Variants in MUC5B observed in about 807,000 individuals in gnomAD.
MUC5B encodes mucin 5B, oligomeric mucus/gel-forming, also known as mucin-5B.
Under a neutral mutation model 376.9 loss-of-function variants are expected in MUC5B, and 116 were observed. The observed-to-expected ratio is 0.31, with a 90% CI of 0.26 to 0.36. The LOEUF is 0.36. Among genes scored for constraint, MUC5B ranks in the 10% least tolerant of loss-of-function variants. MUC5B has a pLI of 1.00. For synonymous variants in MUC5B, 3,517 were observed against 3,390.9 expected, an observed-to-expected ratio of 1.04 and a Z score of -1.29; for missense variants, 7,165 against 7,769.9, an observed-to-expected ratio of 0.92 and a Z score of 2.93.
Position 1,255,398 on chromosome 11 carries a change from C to A in MUC5B, c.15906C>A (p.Cys5302Ter). 6.2e-7 allele frequency: 1 copy of A among 1,600,620 alleles called. No individual in the cohort carries two copies. The highest frequency in any genetic ancestry group is 8.5e-7 in the Non-Finnish European group (1 of 1,173,208). The stretch of plus-strand genomic sequence containing the variant: ...TGCCCCACAGGGTCTTTGCTGAGTG[C>A]CACAACCTTGTGCCCCCGGGCCCAT... Reference protein sequence around the residue: ...DLMLSQVFAECHNLVPPGPFF... With the variant: ...DLMLSQVFAE Residue 5302 changes from cysteine to a stop codon, truncating the protein, a stop_gained, in exon 37 of 49, where the codon TGC becomes TGA. Coordinates refer to ENST00000529681, the MANE Select transcript of MUC5B (RefSeq NM_002458.3). LOFTEE classifies it high-confidence loss of function.
chr11:1,233,114 A>G lies in MUC5B; in HGVS notation c.2167A>G (p.Ser723Gly), dbSNP rs1238057417. The change falls in exon 18 of 49, where the codon AGC becomes GGC. Residue 723 changes from serine to glycine, a missense_variant. Physicochemically the swap from Ser to Gly is moderately conservative, Grantham distance 56. Transcript: ENST00000529681. The part of the protein sequence containing the change: ...RGLSEADVTC[S>G]VSFVPVDGCT... ...CCTGAGTGAGGCCGACGTCACCTGC[A>G]GCGTTTCCTTCGTGCCTGTGGACGG... is the stretch of plus-strand genomic sequence containing the variant. The G allele has an allele frequency of 1.2e-6, 2 of 1,608,026 alleles. No homozygotes were observed. Among genetic ancestry groups the G allele is most frequent in the East Asian group, 2.2e-5 (1 of 44,868 alleles).
chr11:1,253,026 C>T lies in MUC5B; in HGVS notation c.15217+46C>T. 1 of 1,605,388 alleles carries T rather than the reference C, an allele frequency of 6.2e-7. No homozygotes were observed. The highest frequency in any genetic ancestry group is 8.5e-7 in the Non-Finnish European group (1 of 1,176,168). The stretch of plus-strand genomic sequence containing the variant: ...GGGATTACCCCGGGGGCAGGTGGAG[C>T]AGAGTGCACCGTCGGCTAGGCTGGC... On this transcript the variant is annotated intron_variant, in intron 33 of 48. Coordinates refer to ENST00000529681, the MANE Select transcript of MUC5B (RefSeq NM_002458.3). This position sits in a 1 kb window ranked among gnomAD's most constrained non-coding sequence, Gnocchi z 4.3.
intron 48 of MUC5B, 46 bp from the exon 49 acceptor site, chr11:1,261,343 C>T (rs771702422): frequency 2.6e-5 from 39 of 1,502,674 alleles, no homozygotes; most frequent in East Asian, 2.5e-4. Context: ...GGCAGAGAAA[C>T]GGCGGGGCCA....
Position 1,244,457 on chromosome 11 carries a change from G to A in MUC5B, c.7577G>A (p.Arg2526Lys). ...ACTGCAACCGCCCTTCCAGCACTGAGAAGCACAGCCACCACACCCACAGCT... is the reference window on the plus strand; with the variant it reads ...ACTGCAACCGCCCTTCCAGCACTGAAAAGCACAGCCACCACACCCACAGCT... Reference protein sequence around the residue: ...PGTATALPALRSTATTPTATS... With the variant: ...PGTATALPALKSTATTPTATS... The change falls in exon 31 of 49, where the codon AGA (arginine) becomes AAA (lysine). Residue 2526 changes from arginine to lysine, a missense_variant. By Grantham distance (26) the Arg-to-Lys change is conservative (BLOSUM62 2). This residue lies in a region of MUC5B where 194 missense variants were observed against 268.5 expected (regional missense o/e 0.72). Coordinates refer to ENST00000529681, the MANE Select transcript of MUC5B (RefSeq NM_002458.3). 1 of 1,599,332 alleles carries A rather than the reference G, an allele frequency of 6.3e-7. No homozygotes were observed. Among genetic ancestry groups the A allele is most frequent in the Non-Finnish European group, 8.5e-7 (1 of 1,170,430 alleles).
rs374407836 is a variant in MUC5B, at chr11:1,255,368, C to T, written c.15891-15C>T. 49 of 1,578,906 alleles carry T rather than the reference C, an allele frequency of 3.1e-5. No individual in the cohort carries two copies. The highest frequency in any genetic ancestry group is 3.8e-5 in the Non-Finnish European group (44 of 1,159,266). On this transcript the variant is annotated splice_polypyrimidine_tract_variant and intron_variant, in intron 36 of 48. Coordinates refer to ENST00000529681, the MANE Select transcript of MUC5B (RefSeq NM_002458.3). ...GGGGCTGGGGGCCCTCCGTCCTGAT[C>T]GCTTTGCCCCACAGGGTCTTTGCTG...
rs1862322053 is a variant in MUC5B, at chr11:1,242,713, A to G, written c.5833A>G (p.Thr1945Ala). 6.2e-7 allele frequency: 1 copy of G among 1,613,320 alleles called. No homozygotes were observed. The highest frequency in any genetic ancestry group is 1.7e-4 in the Middle Eastern group (1 of 6,060). The change falls in exon 31 of 49, where the codon ACA (threonine) becomes GCA (alanine). Residue 1945 changes from threonine (T) to alanine (A), a missense_variant. This residue lies in a region of MUC5B where 897 missense variants were observed against 779.6 expected (regional missense o/e 1.15). Coordinates refer to ENST00000529681, the MANE Select transcript of MUC5B (RefSeq NM_002458.3). ...CAAAGTGCTGACCACCACGGCCACC[A>G]CACCCACAGTCACCAGCTCCAAAGC... ...PPKVLTTTAT[T>A]PTVTSSKATP...
At position 1,246,701 on chromosome 11, in the gene MUC5B, T is replaced by C. The variant is rs200413751; in HGVS notation, c.9821T>C (p.Val3274Ala). 227 of 1,603,388 alleles carry C rather than the reference T, an allele frequency of 1.4e-4. 5 individuals are homozygous for C. The highest frequency in any genetic ancestry group is 5.1e-4 in the Admixed American group (30 of 59,358). The change falls in exon 31 of 49, where the codon GTC becomes GCC. Residue 3274 changes from valine to alanine, a missense_variant. Val to Ala is a moderately conservative substitution (Grantham distance 64). This residue lies in a region of MUC5B where 939 missense variants were observed against 770.6 expected (regional missense o/e 1.22). Coordinates refer to ENST00000529681, the MANE Select transcript of MUC5B (RefSeq NM_002458.3). Reference sequence around the variant, plus strand: ...ACACCCTCCTCTACTCCAGAGACTGTCCACACCTCCACAGTGCTTACCACC... The same window carrying C: ...ACACCCTCCTCTACTCCAGAGACTGCCCACACCTCCACAGTGCTTACCACC... ...TATPSSTPET[V>A]HTSTVLTTTT...
At chr11:1,227,596 T>C (rs1221093906) in intron 6 of MUC5B, 79 bp from the exon 7 acceptor site, 1 of 687,594 alleles carries the variant, frequency 1.5e-6, no homozygotes, top group African/African-American at 1.8e-5. Context: ...TCCTCTGGCC[T>C]GGGCTCAGGA....
chr11:1,230,765 T>C (rs535346976), intron 12 of MUC5B, among the ~76,000 whole-genome samples, 165 bp downstream of exon 12: 2 of 104,290 alleles, frequency 1.9e-5, no homozygotes, highest in African/African-American at 3.8e-5. Flanking sequence ...CCTCCAGCCC[T>C]GAGGTCAGGT....
At chr11:1,259,603 T>G (rs1284367147) in intron 44 of MUC5B, 153 bp from the exon 45 acceptor site, 1 of 692,882 alleles carries the variant, frequency 1.4e-6, no homozygotes. Flanking sequence ...TGAGCCGGGA[T>G]AACTGAGTGG....
In MUC5B at chr11:1,248,519, G is replaced by A; in HGVS notation, c.11639G>A (p.Ser3880Asn). Residue 3880 changes from serine to asparagine, a missense_variant, in exon 31 of 49, where the codon AGC becomes AAC. This residue lies in a region of MUC5B where 242 missense variants were observed against 199.0 expected (regional missense o/e 1.22). Transcript: ENST00000529681. ...TTGFTVTPSS[S>N]PGTARTPPVW... ...GGCTTCACAGTCACCCCCTCCTCCA[G>A]CCCAGGGACGGCACGCACGCCTCCA... 3.1e-6 allele frequency: 5 copies of A among 1,612,550 alleles called. No individual in the cohort carries two copies. Among genetic ancestry groups the A allele is most frequent in the Non-Finnish European group, 4.2e-6 (5 of 1,179,490 alleles).
Position 1,248,571 on chromosome 11 carries a change from C to T in MUC5B, c.11691C>T (p.Pro3897=). ...TGTGGATCAGCACAACCACCACACC[C>T]ACAACCAGTGGCTCCACGGTGACCC... The part of the protein sequence containing the change: ...PPVWISTTTT[P]TTSGSTVTPS... The change falls in exon 31 of 49, where the codon CCC becomes CCT. Residue 3897 remains proline (P), a synonymous_variant. Transcript: ENST00000529681. 2 of 1,613,030 alleles carry T rather than the reference C, an allele frequency of 1.2e-6. No homozygotes were observed. The highest frequency in any genetic ancestry group is 2.2e-5 in the South Asian group (2 of 91,046).
Position 1,261,575 on chromosome 11 carries a change from T to C in MUC5B, c.17256T>C (p.Arg5752=). 1.9e-6 allele frequency: 3 copies of C among 1,607,918 alleles called. No individual in the cohort carries two copies. Among genetic ancestry groups the C allele is most frequent in the Non-Finnish European group, 2.5e-6 (3 of 1,178,220 alleles). The stretch of plus-strand genomic sequence containing the variant: ...CGCCCATGGCTCCCCCACACACCCG[T>C]GGCTTCCCGGCCCAGGAGGCCACTG... ...VPAPMAPPHT[R]GFPAQEATAV The change falls in exon 49 of 49, where the codon CGT becomes CGC. Residue 5752 remains arginine, a synonymous_variant. Transcript: ENST00000529681.
chr11:1,234,942 A>G lies in MUC5B; in HGVS notation c.2631-143A>G. The G allele has an allele frequency of 2.4e-6, 3 of 1,228,002 alleles. No homozygotes were observed. The highest frequency in any genetic ancestry group is 3.2e-5 in the South Asian group (2 of 63,364). The allele number at this position is 1,228,002 out of a possible 1,614,324, so 76.1% of individuals were successfully genotyped here. A position where few individuals can be genotyped will look rare whatever the true frequency, so the allele number is the denominator to read the frequency against. On this transcript the variant is annotated intron_variant, in intron 21 of 48. Transcript: ENST00000529681. This position sits in a 1 kb window ranked among gnomAD's most constrained non-coding sequence, Gnocchi z 6.3. Reference sequence around the variant, plus strand: ...GTGCCCTGCATTCACAGTGGGGGACACCACTTCTTCCACGGAGGAGGGGTC... The same window carrying G: ...GTGCCCTGCATTCACAGTGGGGGACGCCACTTCTTCCACGGAGGAGGGGTC...
At chr11:1,255,300 GGCGCCCCCGCCCGCCCGCAT>G in intron 36 of MUC5B, 34 bp downstream of exon 36, 1 of 1,508,314 alleles carries the variant, frequency 6.6e-7, no homozygotes, top group Non-Finnish European at 8.9e-7. Flanking sequence ...CAGGCCCTGG[GGCGCCCCCGCCCGCCCGCAT>G]GCACGCACGC....
rs141483748 is a variant in MUC5B at position 1,241,167 on chromosome 11, C to T, written c.4287C>T (p.Tyr1429=). Reference sequence around the variant, plus strand: ...AGCTGCGGGTTCTCTGCTGCGAATACGTGCCCTGTGGCCCCTCCCCGGCCC... The same window carrying T: ...AGCTGCGGGTTCTCTGCTGCGAATATGTGCCCTGTGGCCCCTCCCCGGCCC... ...DYELRVLCCE[Y]VPCGPSPAPG... Residue 1429 remains tyrosine (Y), a synonymous_variant, in exon 31 of 49, where the codon TAC becomes TAT. Coordinates refer to ENST00000529681, the MANE Select transcript of MUC5B (RefSeq NM_002458.3). 1.9e-3 allele frequency: 2,980 copies of T among 1,602,366 alleles called. 1 individual carries two copies. Among genetic ancestry groups the T allele is most frequent in the Non-Finnish European group, 2.3e-3 (2,747 of 1,174,752 alleles).
At position 1,253,131 on chromosome 11, in the gene MUC5B, C is replaced by T; in HGVS notation, c.15217+151C>T. 1.5e-6 allele frequency: 1 copy of T among 669,098 alleles called. No individual in the cohort carries two copies. The highest frequency in any genetic ancestry group is 2.5e-6 in the Non-Finnish European group (1 of 400,500). 41.4% of individuals were successfully genotyped at this position (669,098 alleles called of 1,614,324 possible). A position where few individuals can be genotyped will look rare whatever the true frequency, so the allele number is the denominator to read the frequency against. ...TGGGGCATGGTGGGGTGCAGTGGGG[C>T]ATGGTGGGGCATGGTGGGGTGTGGT... On this transcript the variant is annotated intron_variant, in intron 33 of 48. Transcript: ENST00000529681. This position sits in a 1 kb window ranked among gnomAD's most constrained non-coding sequence, Gnocchi z 4.3.
Position 1,242,959 on chromosome 11 carries a change from G to A in MUC5B, c.6079G>A (p.Ala2027Thr), listed in dbSNP as rs1554937069. 1.9e-6 allele frequency: 3 copies of A among 1,612,724 alleles called. No homozygotes were observed. The highest frequency in any genetic ancestry group is 1.7e-5 in the Admixed American group (1 of 59,952). Residue 2027 changes from alanine to threonine, a missense_variant, in exon 31 of 49, where the codon GCC becomes ACC. By Grantham distance (58) the Ala-to-Thr change is moderately conservative. This residue lies in a region of MUC5B where 897 missense variants were observed against 779.6 expected (regional missense o/e 1.15). Transcript: ENST00000529681. ...CACCTCCACAGTGCTTACCGCCACG[G>A]CCACCACAACTGGGGCCACCGGCTC... Reference protein sequence around the residue: ...AHTSTVLTATATTTGATGSVA... With the variant: ...AHTSTVLTATTTTTGATGSVA...
rs766674750 is a variant in MUC5B at position 1,248,625 on chromosome 11, C to T, written c.11745C>T (p.Thr3915=). 6 of 1,612,050 alleles carry T rather than the reference C, an allele frequency of 3.7e-6. No homozygotes were observed. The South Asian group carries it at 5.5e-5, about 15-fold the overall frequency. ...TPSSVPGTTH[T]PTVLTTTTTT... is the part of the protein sequence containing the mutation. Reference sequence around the variant, plus strand: ...CCTCCGTCCCGGGGACCACCCACACCCCCACAGTGCTGACCACCACCACCA... The same window carrying T: ...CCTCCGTCCCGGGGACCACCCACACTCCCACAGTGCTGACCACCACCACCA... Residue 3915 remains threonine (T), a synonymous_variant, in exon 31 of 49, where the codon ACC becomes ACT. Transcript: ENST00000529681.
Sources: gnomAD v4.1 joint callset for allele counts (sites outside exome capture counted in the v4.1 genomes callset) on GRCh38, gnomAD v4.1.1 for gene constraint, gnomAD v4.1.1 regional missense constraint, Gnocchi (gnomAD v3.1) non-coding constraint, MANE v1.5 for transcripts, NCBI Gene and HGNC (gene_info 2026-07-23, HGNC 2026-07-21) for gene names.